Variants in CACNG2 observed in about 807,000 individuals in gnomAD.
CACNG2 encodes the protein voltage-dependent calcium channel gamma-2 subunit.
Under a neutral mutation model 25.9 loss-of-function variants are expected in CACNG2, and 3 were observed. The observed-to-expected ratio is 0.12, with a 90% CI of 0.05 to 0.30. CACNG2 has a LOEUF of 0.30. Among genes scored for constraint, CACNG2 ranks in the 10% least tolerant of loss-of-function variants. The pLI is 1.00. For missense variants in CACNG2, 341 were observed against 432.5 expected, an observed-to-expected ratio of 0.79 and a Z score of 1.88; for synonymous variants, 167 against 173.3, an observed-to-expected ratio of 0.96 and a Z score of 0.29.
At chr22:36,624,865 TA>T (rs1490890333) in intron 1 of CACNG2, among the ~76,000 whole-genome samples, 1 of 151,518 alleles carries the variant, frequency 6.6e-6, no homozygotes, top group Non-Finnish European at 1.5e-5. Flanking sequence ...CTGTCTCTAC[TA>T]AAAATACAAA....
At chr22:36,608,772 A>G (rs937385126) in intron 1 of CACNG2, among the ~76,000 whole-genome samples, 4 of 150,638 alleles carry the variant, frequency 2.7e-5, no homozygotes, top group African/African-American at 9.8e-5. Flanking sequence ...CAGTTTCCTT[A>G]CTGTAAACTG....
chr22:36,661,882 T>C (rs1936801459), intron 1 of CACNG2, among the ~76,000 whole-genome samples: 1 of 149,594 alleles, frequency 6.7e-6, no homozygotes, highest in South Asian at 2.1e-4. Context: ...ACCTGGAAAA[T>C]GGGGCTAGCA....
Position 36,654,756 on chromosome 22 carries a change from A to G in CACNG2, c.211+47610T>C, listed in dbSNP as rs531929460. Reference sequence around the variant, plus strand: ...TGGAGTCAGAGATATCTTCATCTACAAGAGTTTCATGAGGATCTTCTAGAA... The same window carrying G: ...TGGAGTCAGAGATATCTTCATCTACGAGAGTTTCATGAGGATCTTCTAGAA... On this transcript the variant is annotated intron_variant, in intron 1 of 3. Coordinates refer to ENST00000300105, the MANE Select transcript of CACNG2 (RefSeq NM_006078.5). Among the ~76,000 whole-genome samples, 18 of 152,322 alleles carry G rather than the reference A, an allele frequency of 1.2e-4. No homozygotes were observed. In the South Asian group the frequency reaches 3.7e-3, roughly 32 times the overall value.
At chr22:36,570,422 G>A (rs917965342) in intron 2 of CACNG2, among the ~76,000 whole-genome samples, 2 of 152,192 alleles carry the variant, frequency 1.3e-5, no homozygotes, top group African/African-American at 4.8e-5. Flanking sequence ...AGAAGAGCCA[G>A]CCCCAAGCTC....
Position 36,649,150 on chromosome 22 carries a change from C to A in CACNG2, c.211+53216G>T, listed in dbSNP as rs140761626. 4.1e-4 allele frequency among the ~76,000 whole-genome samples: 62 copies of A among 152,284 alleles called. 1 individual carries two copies. In the East Asian group the frequency reaches 0.011, roughly 27 times the overall value. On this transcript the variant is annotated intron_variant, in intron 1 of 3. Coordinates refer to ENST00000300105, the MANE Select transcript of CACNG2 (RefSeq NM_006078.5). Reference sequence around the variant, plus strand: ...TGTCTTAATGGTGACATGTCCTCCGCGGAGCTCCCAATCTCCCCCGGCCTC... The same window carrying A: ...TGTCTTAATGGTGACATGTCCTCCGAGGAGCTCCCAATCTCCCCCGGCCTC...
At chr22:36,702,335 G>C (rs1937420997) in intron 1 of CACNG2, 31 bp downstream of exon 1, 17 of 1,361,806 alleles carry the variant, frequency 1.2e-5, no homozygotes, top group Non-Finnish European at 1.7e-5. Context: ...GGGTGGGGTG[G>C]AGAGGGGGGA....
chr22:36,646,354 A>G (rs901270821), intron 1 of CACNG2, among the ~76,000 whole-genome samples: 2 of 152,236 alleles, frequency 1.3e-5, no homozygotes, highest in Non-Finnish European at 2.9e-5. Flanking sequence ...ATTTAGCAGT[A>G]CACAGAGGCA....
chr22:36,677,068 G>C (rs753549319), intron 1 of CACNG2, among the ~76,000 whole-genome samples: 2 of 151,862 alleles, frequency 1.3e-5, no homozygotes, highest in Non-Finnish European at 2.9e-5. Context: ...CAATCTTACA[G>C]TATCAAACAG....
In CACNG2 at chr22:36,606,917, T is replaced by A. The variant is rs373366308; in HGVS notation, c.212-19369A>T. On this transcript the variant is annotated intron_variant, in intron 1 of 3. Transcript: ENST00000300105. The surrounding 1 kb of genome is among the most constrained non-coding windows in gnomAD (Gnocchi z 5.7). ...TGTCTGTGGTGTGTGTATGCATGTG[T>A]GTGTATATGTGTGTATGTGTTTATA... Among the ~76,000 whole-genome samples the A allele has an allele frequency of 2.4e-4, 37 of 151,772 alleles. 1 individual carries two copies. The highest frequency in any genetic ancestry group is 8.7e-4 in the African/African-American group (36 of 41,394).
intron 1 of CACNG2, among the ~76,000 whole-genome samples, chr22:36,610,733 G>T (rs1251891096): frequency 6.6e-6 from 1 of 152,214 alleles, no homozygotes; most frequent in Non-Finnish European, 1.5e-5. Flanking sequence ...GAAAGTTACT[G>T]AGAGAAGTTG....
intron 1 of CACNG2, among the ~76,000 whole-genome samples, chr22:36,697,821 G>C (rs563319400): frequency 6.6e-6 from 1 of 152,210 alleles, no homozygotes; most frequent in Non-Finnish European, 1.5e-5. Flanking sequence ...CCTGCTCTCT[G>C]CTCAGAGGTG....
chr22:36,690,901 C>T (rs1937260384), intron 1 of CACNG2, among the ~76,000 whole-genome samples: 1 of 152,240 alleles, frequency 6.6e-6, no homozygotes, highest in African/African-American at 2.4e-5. Flanking sequence ...TGAGCAATCT[C>T]ACCGTATAAT....
chr22:36,651,104 G>T (rs757628501), intron 1 of CACNG2, among the ~76,000 whole-genome samples: 1 of 152,008 alleles, frequency 6.6e-6, no homozygotes, highest in African/African-American at 2.4e-5. Context: ...AGCATGTGAG[G>T]CTGAATTCTA....
chr22:36,695,584 G>A (rs758039796), intron 1 of CACNG2, among the ~76,000 whole-genome samples: 3 of 147,820 alleles, frequency 2.0e-5, no homozygotes, highest in East Asian at 2.0e-4. Context: ...GCTGCCCTCC[G>A]ATCTGGAATG....
chr22:36,624,825 C>T (rs992158317), intron 1 of CACNG2, among the ~76,000 whole-genome samples: 7 of 151,766 alleles, frequency 4.6e-5, no homozygotes, highest in Non-Finnish European at 1.0e-4. Context: ...GTCAGGAGAT[C>T]GAGACCATCC....
intron 2 of CACNG2, among the ~76,000 whole-genome samples, chr22:36,567,067 A>C (rs1467508470): frequency 6.6e-6 from 1 of 152,160 alleles, no homozygotes; most frequent in Non-Finnish European, 1.5e-5. Flanking sequence ...CGTGGGTTGG[A>C]TTTGAGTCTG....
intron 2 of CACNG2, among the ~76,000 whole-genome samples, chr22:36,581,065 C>G (rs574982601): frequency 6.6e-6 from 1 of 152,172 alleles, no homozygotes; most frequent in South Asian, 2.1e-4. Flanking sequence ...ACCACAGCCT[C>G]GTTCCTCACC....
chr22:36,626,255 G>T (rs1335762033), intron 1 of CACNG2, among the ~76,000 whole-genome samples: 2 of 152,200 alleles, frequency 1.3e-5, no homozygotes, highest in Non-Finnish European at 2.9e-5. Flanking sequence ...CAGACTAACT[G>T]TGAGCTCCAA....
intron 1 of CACNG2, among the ~76,000 whole-genome samples, chr22:36,619,987 C>T (rs1414752058): frequency 2.0e-5 from 3 of 152,224 alleles, no homozygotes; most frequent in Admixed American, 6.5e-5. Context: ...ATGGCACAGC[C>T]GTGCTGGGTT....
Sources: gnomAD v4.1 joint callset for allele counts (sites outside exome capture counted in the v4.1 genomes callset) on GRCh38, gnomAD v4.1.1 for gene constraint, Gnocchi (gnomAD v3.1) non-coding constraint, MANE v1.5 for transcripts, NCBI Gene and HGNC (gene_info 2026-07-23, HGNC 2026-07-21) for gene names.